The following TMEM108 variants were observed in gnomAD, a reference collection of about 807,000 sequenced individuals.
The protein encoded by TMEM108 is cancer/testis antigen 124.
In TMEM108, 12 loss-of-function variants were observed where a neutral mutation model predicts 35.1. The observed-to-expected ratio is 0.34, with a 90% CI of 0.22 to 0.55. The LOEUF is 0.55. Among genes scored for constraint, TMEM108 ranks in the 20% least tolerant of loss-of-function variants. TMEM108 has a pLI of 0.89. For missense variants in TMEM108, 680 were observed against 753.3 expected, an observed-to-expected ratio of 0.90 and a Z score of 1.14; for synonymous variants, 287 against 308.6, an observed-to-expected ratio of 0.93 and a Z score of 0.73.
In TMEM108 at chr3:133,071,591, T is replaced by G. The variant is rs531427302; in HGVS notation, c.-47+25571T>G. Among the ~76,000 whole-genome samples, 4 of 152,334 alleles carry G rather than the reference T, an allele frequency of 2.6e-5. No individual in the cohort carries two copies. The South Asian group carries it at 8.3e-4, about 32-fold the overall frequency. On this transcript the variant is annotated intron_variant, in intron 2 of 5. Coordinates refer to ENST00000321871, the MANE Select transcript of TMEM108 (RefSeq NM_023943.4). ...ATTTTTCCTCACTTGCATGATGATT[T>G]GTGTGTTAAACATCTGTTCATATTC... is the stretch of plus-strand genomic sequence containing the variant.
chr3:133,351,926 G>T (rs1342141308), intron 3 of TMEM108, among the ~76,000 whole-genome samples: 1 of 152,106 alleles, frequency 6.6e-6, no homozygotes, highest in Non-Finnish European at 1.5e-5. Context: ...ATATCCACTT[G>T]GGGAGTTTTT....
intron 2 of TMEM108, among the ~76,000 whole-genome samples, chr3:133,053,216 A>C (rs1943427837): frequency 6.6e-6 from 1 of 152,204 alleles, no homozygotes; most frequent in African/African-American, 2.4e-5. Context: ...GGCTCCCACA[A>C]GATGCTGCAT....
At chr3:133,308,170 T>C (rs2141581) in intron 3 of TMEM108, among the ~76,000 whole-genome samples, 32,081 of 152,148 alleles carry the variant, frequency 0.21, 4,099 homozygotes, top group Middle Eastern at 0.31. Flanking sequence ...TTGTCTGTTA[T>C]TGACGTATAG....
chr3:133,382,154 G>T (rs1255767997), intron 4 of TMEM108, among the ~76,000 whole-genome samples: 1 of 152,092 alleles, frequency 6.6e-6, no homozygotes, highest in South Asian at 2.1e-4. Context: ...ACCCCAAATG[G>T]TTACCATCTG....
intron 3 of TMEM108, among the ~76,000 whole-genome samples, chr3:133,319,872 G>T (rs1326955792): frequency 6.6e-6 from 1 of 152,154 alleles, no homozygotes; most frequent in East Asian, 1.9e-4. Context: ...CACCTCATGG[G>T]ACAAAAGAAT....
intron 2 of TMEM108, among the ~76,000 whole-genome samples, chr3:133,176,519 A>G (rs1945231962): frequency 6.6e-6 from 1 of 152,242 alleles, no homozygotes; most frequent in African/African-American, 2.4e-5. Flanking sequence ...AAACTCAGTC[A>G]AAACTACTCA....
At chr3:133,272,174 G>A (rs1176965316) in intron 3 of TMEM108, among the ~76,000 whole-genome samples, 1 of 151,772 alleles carries the variant, frequency 6.6e-6, no homozygotes, top group African/African-American at 2.4e-5. Flanking sequence ...TTTCTCTTAG[G>A]CATCTCATTT....
chr3:133,222,826 T>G (rs546622222), intron 2 of TMEM108, among the ~76,000 whole-genome samples: 66 of 152,202 alleles, frequency 4.3e-4, no homozygotes, highest in African/African-American at 1.5e-3. Context: ...GCACTTAACT[T>G]CCTTCATACA....
chr3:133,064,025 A>T (rs954234038), intron 2 of TMEM108, among the ~76,000 whole-genome samples: 2 of 152,078 alleles, frequency 1.3e-5, no homozygotes, highest in African/African-American at 2.4e-5. Flanking sequence ...TCATTCATTT[A>T]TTGCTTCTTT....
chr3:133,256,661 A>G (rs1481461296), intron 3 of TMEM108, among the ~76,000 whole-genome samples: 7 of 152,242 alleles, frequency 4.6e-5, no homozygotes, highest in Non-Finnish European at 7.3e-5. Context: ...TAAAAGACAT[A>G]GAATTCATAA....
chr3:133,216,721 AC>A (rs1945914595), intron 2 of TMEM108, among the ~76,000 whole-genome samples: 1 of 152,222 alleles, frequency 6.6e-6, no homozygotes, highest in Admixed American at 6.5e-5. Flanking sequence ...TATTTCACTT[AC>A]TATCTTCCAA....
At chr3:133,382,625 T>C (rs1000276505) in intron 4 of TMEM108, among the ~76,000 whole-genome samples, 2 of 152,258 alleles carry the variant, frequency 1.3e-5, no homozygotes, top group African/African-American at 4.8e-5. Flanking sequence ...GCTGGTTGTA[T>C]TGGCTTCAGG....
intron 3 of TMEM108, among the ~76,000 whole-genome samples, chr3:133,262,365 A>G (rs912843380): frequency 6.6e-6 from 1 of 152,254 alleles, no homozygotes; most frequent in African/African-American, 2.4e-5. Flanking sequence ...AAAATAGGAC[A>G]TGCACAAGTT....
intron 3 of TMEM108, among the ~76,000 whole-genome samples, chr3:133,283,773 A>G (rs1195273816): frequency 6.6e-6 from 1 of 152,218 alleles, no homozygotes; most frequent in Non-Finnish European, 1.5e-5. Flanking sequence ...TGAAATTTCA[A>G]AGAAAGATAA....
intron 2 of TMEM108, among the ~76,000 whole-genome samples, chr3:133,046,639 A>G (rs1360882856): frequency 6.6e-6 from 1 of 152,162 alleles, no homozygotes; most frequent in South Asian, 2.1e-4. Flanking sequence ...GGCACTGGCA[A>G]TGTTATAACC....
intron 2 of TMEM108, among the ~76,000 whole-genome samples, chr3:133,101,128 C>T (rs1271216795): frequency 6.6e-6 from 1 of 152,112 alleles, no homozygotes; most frequent in Non-Finnish European, 1.5e-5. Context: ...TGAAAAGAGC[C>T]TTGTATGTAA....
chr3:133,090,150 C>G (rs1395297642), intron 2 of TMEM108, among the ~76,000 whole-genome samples: 2 of 152,260 alleles, frequency 1.3e-5, no homozygotes, highest in East Asian at 1.9e-4. Flanking sequence ...GAATCATTAC[C>G]TGAGAGAGAG....
intron 2 of TMEM108, among the ~76,000 whole-genome samples, chr3:133,179,385 A>T (rs1018411847): frequency 4.6e-5 from 7 of 152,212 alleles, no homozygotes; most frequent in African/African-American, 1.7e-4. Flanking sequence ...TATTCACAAT[A>T]GCAAAGACTT....
chr3:133,076,511 A>G (rs1313070411), intron 2 of TMEM108, among the ~76,000 whole-genome samples: 7 of 152,214 alleles, frequency 4.6e-5, no homozygotes, highest in Non-Finnish European at 4.4e-5. Flanking sequence ...GCAATTGACT[A>G]TAACAGAAGG....
Sources: allele counts gnomAD v4.1 joint callset (sites outside exome capture counted in the v4.1 genomes callset), GRCh38; gene constraint gnomAD v4.1.1; transcripts MANE v1.5; gene names NCBI Gene and HGNC (gene_info 2026-07-23, HGNC 2026-07-21).